HRH1: variants seen among roughly 807,000 people sequenced by gnomAD.
HRH1 encodes histamine H1 receptor.
In HRH1, 6 loss-of-function variants were observed where a neutral mutation model predicts 10.3. The observed-to-expected ratio is 0.58, with a 90% CI of 0.32 to 1.15. HRH1 has a LOEUF of 1.15. Ranked by LOEUF, HRH1 falls within the 50% of genes most tolerant of loss-of-function variation. The pLI, the probability that HRH1 is intolerant of heterozygous loss-of-function variation, is 0.05. For synonymous variants in HRH1, 242 were observed against 236.7 expected, an observed-to-expected ratio of 1.02 and a Z score of -0.21; for missense variants, 514 against 615.3, an observed-to-expected ratio of 0.84 and a Z score of 1.74.
chr3:11,191,009 T>C (rs1383122661), intron 1 of HRH1, among the ~76,000 whole-genome samples: 1 of 151,504 alleles, frequency 6.6e-6, no homozygotes, highest in Non-Finnish European at 1.5e-5. Flanking sequence ...GAAGGAAGAG[T>C]TCACAGTGCG....
rs968724083 is a variant in HRH1, at chr3:11,263,253, A to G, written c.*2752A>G. On this transcript the variant is annotated 3_prime_UTR_variant, in exon 2 of 2. Transcript: ENST00000431010. ...GCTTTAATAAATTGGTCATTTGGCT[A>G]CTTGGCTTGTGGACAATCTCTGACC... The G allele has an allele frequency of 1.2e-5, 2 of 167,140 alleles. No individual in the cohort carries two copies. Among genetic ancestry groups the G allele is most frequent in the East Asian group, 3.8e-4 (2 of 5,204 alleles). The allele number at this position is 167,140 out of a possible 1,614,324, so 10.4% of individuals were successfully genotyped here.
At chr3:11,224,997 G>A (rs1938836585) in intron 1 of HRH1, among the ~76,000 whole-genome samples, 1 of 152,194 alleles carries the variant, frequency 6.6e-6, no homozygotes, top group East Asian at 1.9e-4. Flanking sequence ...GAAGAGAGGG[G>A]AAAGTAGGCA....
intron 1 of HRH1, among the ~76,000 whole-genome samples, chr3:11,162,952 C>T (rs61363174): frequency 0.13 from 20,107 of 152,158 alleles, 1,560 homozygotes; most frequent in East Asian, 0.29. Context: ...CACATCTGCA[C>T]ATCTTAGTGG....
intron 1 of HRH1, among the ~76,000 whole-genome samples, chr3:11,249,790 C>T (rs539137291): frequency 2.6e-5 from 4 of 152,220 alleles, no homozygotes; most frequent in African/African-American, 7.2e-5. Flanking sequence ...ACGGAATCTC[C>T]GTTAAAATCT....
intron 1 of HRH1, among the ~76,000 whole-genome samples, chr3:11,160,838 G>A (rs1936907320): frequency 6.6e-6 from 1 of 152,078 alleles, no homozygotes; most frequent in African/African-American, 2.4e-5. Flanking sequence ...TATCAGACAG[G>A]GCCATGGCAA....
At chr3:11,224,966 A>G (rs1938835088) in intron 1 of HRH1, among the ~76,000 whole-genome samples, 1 of 152,180 alleles carries the variant, frequency 6.6e-6, no homozygotes, top group Non-Finnish European at 1.5e-5. Flanking sequence ...AAGCTCTTCA[A>G]AGGCTCTACC....
chr3:11,148,717 G>C (rs532341881), intron 1 of HRH1, among the ~76,000 whole-genome samples: 1 of 151,832 alleles, frequency 6.6e-6, no homozygotes, highest in African/African-American at 2.4e-5. Flanking sequence ...CCAGAATTTG[G>C]TCACGTGGCT....
At chr3:11,215,503 C>T (rs544593344) in intron 1 of HRH1, among the ~76,000 whole-genome samples, 7 of 152,272 alleles carry the variant, frequency 4.6e-5, no homozygotes, top group East Asian at 1.9e-4. Context: ...TGCAGTGGCA[C>T]GATCTCAGCT....
chr3:11,218,136 T>C (rs77796946), intron 1 of HRH1, among the ~76,000 whole-genome samples: 20,463 of 152,230 alleles, frequency 0.13, 2,054 homozygotes, highest in South Asian at 0.32. Context: ...TATCTAGGTA[T>C]GTACATTTGA....
At chr3:11,150,760 G>T (rs552576190), upstream of HRH1, among the ~76,000 whole-genome samples, 4 of 152,300 alleles carry the variant, frequency 2.6e-5, no homozygotes, top group African/African-American at 9.6e-5. Flanking sequence ...CTCTCCCCGG[G>T]CCTTCCTCGA....
intron 1 of HRH1, chr3:11,234,624 GTCT>G (rs1939127960): frequency 7.1e-7 from 1 of 1,409,358 alleles, no homozygotes; most frequent in Non-Finnish European, 1.0e-6. Context: ...GAGTTTCATG[GTCT>G]TCTTTGGTTA....
At chr3:11,163,699 G>A (rs1936971936) in intron 1 of HRH1, among the ~76,000 whole-genome samples, 1 of 151,394 alleles carries the variant, frequency 6.6e-6, no homozygotes, top group Non-Finnish European at 1.5e-5. Context: ...TATTACATTA[G>A]CATATAAGTA....
chr3:11,260,608 C>A lies in HRH1; in HGVS notation c.*107C>A. The A allele has an allele frequency of 1.9e-6, 2 of 1,041,916 alleles. No individual in the cohort carries two copies. Among genetic ancestry groups the A allele is most frequent in the Non-Finnish European group, 2.8e-6 (2 of 701,806 alleles). The allele number at this position is 1,041,916 out of a possible 1,614,324, so 64.5% of individuals were successfully genotyped here. A position where few individuals can be genotyped will look rare whatever the true frequency, so the allele number is the denominator to read the frequency against. The stretch of plus-strand genomic sequence containing the variant: ...GGCAGGCACCTGGGCTTTCTGGAAT[C>A]CAAACCACAGTCTTAGGGGCTTGGT... On this transcript the variant is annotated 3_prime_UTR_variant, in exon 2 of 2. Coordinates refer to ENST00000431010, the MANE Select transcript of HRH1 (RefSeq NM_001098212.2).
In HRH1 at chr3:11,198,197, T is replaced by G. The variant is rs1413826493; in HGVS notation, c.-36+43643T>G. Among the ~76,000 whole-genome samples the G allele has an allele frequency of 2.0e-5, 3 of 152,188 alleles. No homozygotes were observed. The East Asian group carries it at 5.8e-4, about 29-fold the overall frequency. On this transcript the variant is annotated intron_variant, in intron 1 of 1. Coordinates refer to ENST00000431010, the MANE Select transcript of HRH1 (RefSeq NM_001098212.2). Reference sequence around the variant, plus strand: ...GTTTGCATCCTCATGTGTCCTGTCCTGGGACATCCCCTACCTTGCCCGCCG... The same window carrying G: ...GTTTGCATCCTCATGTGTCCTGTCCGGGGACATCCCCTACCTTGCCCGCCG...
chr3:11,244,541 T>G (rs1424391538), intron 1 of HRH1, among the ~76,000 whole-genome samples: 2 of 152,212 alleles, frequency 1.3e-5, no homozygotes, highest in Non-Finnish European at 2.9e-5. Context: ...ACACAACCAC[T>G]GCTATTAATT....
intron 1 of HRH1, among the ~76,000 whole-genome samples, chr3:11,173,905 G>A (rs984219255): frequency 6.6e-6 from 1 of 152,156 alleles, no homozygotes; most frequent in African/African-American, 2.4e-5. Context: ...TTCAGCCTCA[G>A]TTCTTTCTTT....
At chr3:11,246,440 A>G (rs570538036) in intron 1 of HRH1, among the ~76,000 whole-genome samples, 29 of 152,288 alleles carry the variant, frequency 1.9e-4, no homozygotes, top group East Asian at 3.9e-4. Flanking sequence ...CATGTCCCCA[A>G]ATATCTCCCA....
intron 1 of HRH1, among the ~76,000 whole-genome samples, chr3:11,243,310 G>A (rs553369199): frequency 1.4e-4 from 22 of 152,322 alleles, no homozygotes; most frequent in South Asian, 4.1e-4. Flanking sequence ...GATGGCAAGC[G>A]AAAATGCAGG....
In HRH1 at chr3:11,259,559, G is replaced by T. The variant is rs1394047354; in HGVS notation, c.522G>T (p.Val174=). The change falls in exon 2 of 2, where the codon GTG becomes GTT. Residue 174 remains valine (V), a synonymous_variant. Coordinates refer to ENST00000431010, the MANE Select transcript of HRH1 (RefSeq NM_001098212.2). The surrounding 1 kb of genome is among the most constrained non-coding windows in gnomAD (Gnocchi z 4.6). ...ATCACTTCATGCAGCAGACCTCGGTGCGCCGAGAGGACAAGTGTGAGACAG... is the reference window on the plus strand; with the variant it reads ...ATCACTTCATGCAGCAGACCTCGGTTCGCCGAGAGGACAAGTGTGAGACAG... The part of the protein sequence containing the change: ...GWNHFMQQTS[V]RREDKCETDF... 2.5e-6 allele frequency: 4 copies of T among 1,614,074 alleles called. No individual in the cohort carries two copies. The highest frequency in any genetic ancestry group is 2.5e-6 in the Non-Finnish European group (3 of 1,180,008).
Sources: gnomAD v4.1 joint callset for allele counts (sites outside exome capture counted in the v4.1 genomes callset) on GRCh38, gnomAD v4.1.1 for gene constraint, Gnocchi (gnomAD v3.1) non-coding constraint, MANE v1.5 for transcripts, NCBI Gene and HGNC (gene_info 2026-07-23, HGNC 2026-07-21) for gene names.